The following MATCAP2 variants were observed in gnomAD, a reference collection of about 807,000 sequenced individuals.
The protein encoded by MATCAP2 is microtubule associated tyrosine carboxypeptidase 2.
At chr7:36,378,678 T>C in the MATCAP2 span, among the ~76,000 whole-genome samples, 5 of 152,220 alleles carry the variant, frequency 3.3e-5, no homozygotes, top group Non-Finnish European at 4.4e-5. Flanking sequence ...CTGCTGCCTT[T>C]TGTTCGGCTC....
the MATCAP2 span, among the ~76,000 whole-genome samples, chr7:36,349,452 G>C: frequency 6.6e-6 from 1 of 152,132 alleles, no homozygotes; most frequent in East Asian, 1.9e-4. Context: ...GACACTGACT[G>C]TGCCTTCAAT....
the MATCAP2 span, chr7:36,357,059 C>T: frequency 3.1e-6 from 5 of 1,614,056 alleles, no homozygotes; most frequent in African/African-American, 2.7e-5. Context: ...AGTCAATATA[C>T]AAAATTTCTT....
At chr7:36,382,177 G>T in the MATCAP2 span, among the ~76,000 whole-genome samples, 1 of 151,258 alleles carries the variant, frequency 6.6e-6, no homozygotes, top group African/African-American at 2.4e-5. Context: ...CATGGTGGTG[G>T]GTGCCTGTGA....
chr7:36,390,124 G>A, the MATCAP2 span: 2 of 1,602,944 alleles, frequency 1.2e-6, no homozygotes, highest in African/African-American at 2.7e-5. Flanking sequence ...ACCTCTGGGC[G>A]AACCCCCACC....
the MATCAP2 span, among the ~76,000 whole-genome samples, chr7:36,382,238 C>T: frequency 3.1e-5 from 4 of 127,250 alleles, no homozygotes; most frequent in Admixed American, 9.8e-5. Flanking sequence ...ACCTGGAAGG[C>T]GGAGGTTGCA....
chr7:36,341,775 G>A, the MATCAP2 span, among the ~76,000 whole-genome samples: 3 of 152,156 alleles, frequency 2.0e-5, no homozygotes, highest in African/African-American at 7.2e-5. Context: ...TCCACCATGT[G>A]AGGACACACA....
At chr7:36,352,508 T>C in the MATCAP2 span, among the ~76,000 whole-genome samples, 2 of 149,280 alleles carry the variant, frequency 1.3e-5, no homozygotes, top group East Asian at 2.0e-4. Context: ...AATCAAGATA[T>C]ATCACTCTTA....
At chr7:36,375,874 G>T in the MATCAP2 span, among the ~76,000 whole-genome samples, 1 of 152,278 alleles carries the variant, frequency 6.6e-6, no homozygotes, top group Non-Finnish European at 1.5e-5. Flanking sequence ...GTTTACTTGC[G>T]TAGAGATGTT....
the MATCAP2 span, among the ~76,000 whole-genome samples, chr7:36,370,371 T>C: frequency 6.6e-6 from 1 of 152,258 alleles, no homozygotes; most frequent in Non-Finnish European, 1.5e-5. Context: ...ACCATTAATA[T>C]TGAGACAAGA....
At chr7:36,365,920 T>C in the MATCAP2 span, among the ~76,000 whole-genome samples, 1 of 152,240 alleles carries the variant, frequency 6.6e-6, no homozygotes, top group Non-Finnish European at 1.5e-5. Flanking sequence ...ATAAATGATA[T>C]ACATCGTGGC....
the MATCAP2 span, chr7:36,334,264 C>T: frequency 1.9e-5 from 19 of 996,470 alleles, no homozygotes; most frequent in Non-Finnish European, 2.1e-5. Flanking sequence ...CAGCCAGGCG[C>T]GGTGGCTCAT....
the MATCAP2 span, among the ~76,000 whole-genome samples, chr7:36,340,135 T>C: frequency 6.6e-6 from 1 of 152,226 alleles, no homozygotes; most frequent in Admixed American, 6.5e-5. Context: ...AAGTTAGTGC[T>C]GGGATTATAG....
At chr7:36,380,228 G>A in the MATCAP2 span, among the ~76,000 whole-genome samples, 1 of 152,184 alleles carries the variant, frequency 6.6e-6, no homozygotes, top group African/African-American at 2.4e-5. Context: ...AACAGCAGGT[G>A]ATTGGGTTCT....
At chr7:36,349,733 T>G in the MATCAP2 span, among the ~76,000 whole-genome samples, 1 of 152,260 alleles carries the variant, frequency 6.6e-6, no homozygotes, top group African/African-American at 2.4e-5. Context: ...CAACCTGTTT[T>G]GTTGAAAAGA....
At chr7:36,333,525 C>T in the MATCAP2 span, among the ~76,000 whole-genome samples, 1 of 151,590 alleles carries the variant, frequency 6.6e-6, no homozygotes, top group African/African-American at 2.4e-5. Flanking sequence ...TGAATTATAT[C>T]TCAGTATAGC....
the MATCAP2 span, among the ~76,000 whole-genome samples, chr7:36,339,027 T>C: frequency 6.6e-6 from 1 of 152,246 alleles, no homozygotes; most frequent in Non-Finnish European, 1.5e-5. Context: ...CCCTAAAATG[T>C]ATAAAACCAA....
the MATCAP2 span, among the ~76,000 whole-genome samples, chr7:36,388,093 A>G: frequency 5.9e-5 from 9 of 152,084 alleles, no homozygotes; most frequent in East Asian, 1.5e-3. Flanking sequence ...CCTCCTAACA[A>G]CTCTGAGGAA....
chr7:36,331,137 A>ATG, the MATCAP2 span: 3 of 983,778 alleles, frequency 3.0e-6, no homozygotes, highest in Non-Finnish European at 4.9e-6. Context: ...CTAAGTAGAT[A>ATG]TCAACCCATT....
At chr7:36,356,811 AT>A in the MATCAP2 span, 1 of 1,105,278 alleles carries the variant, frequency 9.0e-7, no homozygotes, top group East Asian at 2.5e-5. Flanking sequence ...TAATTTGAAT[AT>A]TTTTAAATGT....
Sources: allele counts gnomAD v4.1 joint callset (sites outside exome capture counted in the v4.1 genomes callset), GRCh38; gene constraint gnomAD v4.1.1; transcripts MANE v1.5; gene names NCBI Gene and HGNC (gene_info 2026-07-23, HGNC 2026-07-21).